The following ATP11A variants were observed in gnomAD, a reference collection of about 807,000 sequenced individuals.
ATP11A encodes the protein ATPase phospholipid transporting 11A.
A neutral mutation model predicts 154.4 loss-of-function variants in ATP11A; 81 were observed. The observed-to-expected ratio is 0.52, with a 90% confidence interval of 0.44 to 0.63. The LOEUF (loss-of-function observed/expected upper bound fraction) is 0.63. ATP11A is among the 30% of genes least tolerant of loss of function. The pLI, the probability that ATP11A is intolerant of heterozygous loss-of-function variation, is 0.00. For missense variants in ATP11A, 1,316 were observed against 1,474.3 expected, an observed-to-expected ratio of 0.89 and a Z score of 1.76; for synonymous variants, 623 against 585.9, an observed-to-expected ratio of 1.06 and a Z score of -0.91.
At chr13:112,801,576 A>T (rs528801107) in intron 2 of ATP11A, among the ~76,000 whole-genome samples, 1 of 152,238 alleles carries the variant, frequency 6.6e-6, no homozygotes, top group Non-Finnish European at 1.5e-5. Flanking sequence ...AAACTTCTGG[A>T]TGTTAGAGGC....
intron 17 of ATP11A, among the ~76,000 whole-genome samples, chr13:112,849,692 G>T (rs1221114937): frequency 6.6e-6 from 1 of 152,228 alleles, no homozygotes; most frequent in East Asian, 1.9e-4. Context: ...TATTTATTCA[G>T]CAAACGTTGT....
At chr13:112,788,602 G>A (rs2077731120) in intron 2 of ATP11A, among the ~76,000 whole-genome samples, 1 of 150,948 alleles carries the variant, frequency 6.6e-6, no homozygotes, top group Admixed American at 6.6e-5. Flanking sequence ...GACCCCTGCG[G>A]AGACCTACTT....
intron 1 of ATP11A, among the ~76,000 whole-genome samples, chr13:112,719,119 G>A (rs961261449): frequency 3.9e-5 from 6 of 152,174 alleles, no homozygotes; most frequent in African/African-American, 1.4e-4. Flanking sequence ...TGCCATCTTG[G>A]TGAACAGTTG....
chr13:112,735,980 C>G (rs555730233), intron 1 of ATP11A, among the ~76,000 whole-genome samples: 1 of 152,236 alleles, frequency 6.6e-6, no homozygotes, highest in Non-Finnish European at 1.5e-5. Flanking sequence ...TGCCCAGAGC[C>G]TATGCAGAGC....
intron 1 of ATP11A, chr13:112,745,676 T>C (rs1892048370): frequency 6.6e-6 from 1 of 152,040 alleles, no homozygotes; most frequent in Admixed American, 6.6e-5. Flanking sequence ...AACAAAAGGA[T>C]CATCGAGAAG....
At chr13:112,692,005 A>G (rs1000569417) in intron 1 of ATP11A, among the ~76,000 whole-genome samples, 1 of 152,118 alleles carries the variant, frequency 6.6e-6, no homozygotes, top group African/African-American at 2.4e-5. Context: ...CTGGTGCTCG[A>G]GCCCCCAGTT....
chr13:112,781,886 G>A (rs1384555343), intron 1 of ATP11A, among the ~76,000 whole-genome samples: 4 of 150,780 alleles, frequency 2.7e-5, no homozygotes, highest in African/African-American at 4.9e-5. Context: ...GTATGTTTCC[G>A]ACCTTCCTGA....
chr13:112,771,132 A>G (rs2077215812), intron 1 of ATP11A, among the ~76,000 whole-genome samples: 2 of 152,210 alleles, frequency 1.3e-5, no homozygotes, highest in Non-Finnish European at 2.9e-5. Context: ...TTGTCCCTGC[A>G]TGCATTCTAA....
chr13:112,732,669 T>A (rs923148923), intron 1 of ATP11A, among the ~76,000 whole-genome samples: 1 of 152,138 alleles, frequency 6.6e-6, no homozygotes, highest in Non-Finnish European at 1.5e-5. Context: ...CGGAGTGGAG[T>A]GGTGCGATCT....
chr13:112,842,363 T>C lies in ATP11A; in HGVS notation c.1793T>C (p.Val598Ala). 1 of 1,607,258 alleles carries C rather than the reference T, an allele frequency of 6.2e-7. No individual in the cohort carries two copies. The highest frequency in any genetic ancestry group is 1.7e-5 in the Admixed American group (1 of 59,196). Residue 598 changes from valine (V) to alanine (A), a missense_variant, in exon 17 of 30, where the codon GTG becomes GCG. Transcript: ENST00000375645. ...AAAGTTGACCAGATCCGAGCCAGAG[T>C]GGAGCGTAACGCAGTGGTGAGAGCC... Reference protein sequence around the residue: ...EGKVDQIRARVERNAVEGLRT... With the variant: ...EGKVDQIRARAERNAVEGLRT...
At chr13:112,714,627 A>T (rs1258044191) in intron 1 of ATP11A, among the ~76,000 whole-genome samples, 1 of 152,180 alleles carries the variant, frequency 6.6e-6, no homozygotes, top group Non-Finnish European at 1.5e-5. Flanking sequence ...GTTCTGCGTG[A>T]TGAGACTGTT....
At chr13:112,794,094 G>A (rs2077933312) in intron 2 of ATP11A, among the ~76,000 whole-genome samples, 1 of 152,196 alleles carries the variant, frequency 6.6e-6, no homozygotes, top group African/African-American at 2.4e-5. Flanking sequence ...GTCTTTGGAG[G>A]TGAAGAGAGG....
At chr13:112,806,338 A>G in intron 4 of ATP11A, 45 bp downstream of exon 4, 4 of 1,434,090 alleles carry the variant, frequency 2.8e-6, no homozygotes, top group Middle Eastern at 1.8e-4. Context: ...CATCTTCACC[A>G]TGTGAATTGC....
At chr13:112,691,142 GA>G (rs1365244180) in intron 1 of ATP11A, among the ~76,000 whole-genome samples, 1 of 152,154 alleles carries the variant, frequency 6.6e-6, no homozygotes, top group Non-Finnish European at 1.5e-5. Flanking sequence ...CAGAGGAGGG[GA>G]AACCGGAATC....
rs1885776486 is a variant in ATP11A, at chr13:112,696,181, G to A, written c.39+5726G>A. On this transcript the variant is annotated intron_variant, in intron 1 of 29. Coordinates refer to ENST00000375645, the MANE Select transcript of ATP11A (RefSeq NM_015205.3). This position sits in a 1 kb window ranked among gnomAD's most constrained non-coding sequence, Gnocchi z 6.2. ...GTGCAGTGACGGGACAGGTCACGGC[G>A]CTCGTGCACGCTGGGTGCCCAGTGC... 6.6e-6 allele frequency among the ~76,000 whole-genome samples: 1 copy of A among 152,178 alleles called. No homozygotes were observed.
chr13:112,840,099 C>T (rs2079354591), intron 16 of ATP11A, among the ~76,000 whole-genome samples: 1 of 149,058 alleles, frequency 6.7e-6, no homozygotes, highest in Non-Finnish European at 1.5e-5. Context: ...CCTGCTCACT[C>T]CCGTGCCCTC....
At chr13:112,853,349 C>T (rs1296895892) in intron 18 of ATP11A, among the ~76,000 whole-genome samples, 1 of 151,892 alleles carries the variant, frequency 6.6e-6, no homozygotes, top group East Asian at 1.9e-4. Flanking sequence ...TTTTTTTCAT[C>T]TATAGAATAC....
In ATP11A at chr13:112,823,422, T is replaced by G; in HGVS notation, c.790+13T>G. The G allele has an allele frequency of 6.3e-7, 1 of 1,597,250 alleles. No homozygotes were observed. Among genetic ancestry groups the G allele is most frequent in the Non-Finnish European group, 8.6e-7 (1 of 1,165,354 alleles). ...GAGAAAATCTTTGGTAAATATTTAATTAATTATTAACCATTGCCCCTAACA... is the reference window on the plus strand; with the variant it reads ...GAGAAAATCTTTGGTAAATATTTAAGTAATTATTAACCATTGCCCCTAACA... On this transcript the variant is annotated intron_variant, in intron 9 of 29. Transcript: ENST00000375645.
In ATP11A at chr13:112,810,690, C is replaced by G; in HGVS notation, c.405C>G (p.His135Gln). ...MNQCPVHFIQ[H>Q]GKLVRKQSRK... is the part of the protein sequence containing the mutation. The stretch of plus-strand genomic sequence containing the variant: ...AGTGTCCTGTTCATTTCATTCAGCA[C>G]GGCAAGCTCGTTCGGAAACAAAGTC... The change falls in exon 5 of 30, where the codon CAC (histidine) becomes CAG (glutamine). Residue 135 changes from histidine to glutamine, a missense_variant. His to Gln is a conservative substitution (Grantham distance 24). Coordinates refer to ENST00000375645, the MANE Select transcript of ATP11A (RefSeq NM_015205.3). 2.5e-6 allele frequency: 4 copies of G among 1,614,174 alleles called. No individual in the cohort carries two copies. The highest frequency in any genetic ancestry group is 3.4e-6 in the Non-Finnish European group (4 of 1,180,022).
Sources: allele counts gnomAD v4.1 joint callset (sites outside exome capture counted in the v4.1 genomes callset), GRCh38; gene constraint gnomAD v4.1.1; non-coding constraint Gnocchi (gnomAD v3.1); transcripts MANE v1.5; gene names NCBI Gene and HGNC (gene_info 2026-07-23, HGNC 2026-07-21).